LOC128462377: variants seen among roughly 807,000 people sequenced by gnomAD.
At chr16:89,388,412 G>T in the LOC128462377 span, among the ~76,000 whole-genome samples, 1 of 148,734 alleles carries the variant, frequency 6.7e-6, no homozygotes, top group Admixed American at 6.9e-5. Flanking sequence ...TTATAAGCGT[G>T]AGCCACCACG....
chr16:89,357,814 T>C, the LOC128462377 span, among the ~76,000 whole-genome samples: 1 of 152,216 alleles, frequency 6.6e-6, no homozygotes, highest in African/African-American at 2.4e-5. Context: ...AGCCAATCCA[T>C]GGCCACAGGA....
chr16:89,415,466 G>A, the LOC128462377 span, among the ~76,000 whole-genome samples: 16 of 149,268 alleles, frequency 1.1e-4, no homozygotes, highest in African/African-American at 3.0e-4. Context: ...GGGTTTCACC[G>A]TGTTAGCCAG....
chr16:89,323,671 C>T, the LOC128462377 span: 1 of 309,750 alleles, frequency 3.2e-6, no homozygotes, highest in Non-Finnish European at 6.3e-6. Flanking sequence ...CACCGCCTGA[C>T]AGTCCACGTC....
the LOC128462377 span, among the ~76,000 whole-genome samples, chr16:89,378,858 A>G: frequency 7.1e-6 from 1 of 141,334 alleles, no homozygotes; most frequent in Non-Finnish European, 1.5e-5. Flanking sequence ...TAAGGGGTTG[A>G]TGGGTGGGGC....
At chr16:89,319,424 C>A in the LOC128462377 span, among the ~76,000 whole-genome samples, 1 of 152,262 alleles carries the variant, frequency 6.6e-6, no homozygotes, top group African/African-American at 2.4e-5. Flanking sequence ...GCCTGCATCA[C>A]AGCGAACACT....
the LOC128462377 span, chr16:89,324,312 G>A: frequency 2.0e-5 from 26 of 1,269,824 alleles, no homozygotes; most frequent in Admixed American, 1.4e-4. Flanking sequence ...ACAGGAGCAC[G>A]GACACAGCAG....
At chr16:89,326,381 C>A in the LOC128462377 span, among the ~76,000 whole-genome samples, 1 of 151,912 alleles carries the variant, frequency 6.6e-6, no homozygotes, top group African/African-American at 2.4e-5. Context: ...AGCCACCGCC[C>A]CCCCCACCCC....
At chr16:89,367,751 G>A in the LOC128462377 span, among the ~76,000 whole-genome samples, 10 of 152,262 alleles carry the variant, frequency 6.6e-5, no homozygotes, top group South Asian at 8.3e-4. Flanking sequence ...TACCCCCAGC[G>A]GCTGCATGTC....
chr16:89,366,520 G>A, the LOC128462377 span, among the ~76,000 whole-genome samples: 39 of 152,164 alleles, frequency 2.6e-4, no homozygotes, highest in Admixed American at 7.2e-4. Context: ...TAACAGCCAT[G>A]CTGACTGGTG....
chr16:89,405,826 G>A, the LOC128462377 span, among the ~76,000 whole-genome samples: 1 of 152,214 alleles, frequency 6.6e-6, no homozygotes, highest in East Asian at 1.9e-4. Context: ...ATGCACTGCA[G>A]TCAATCCCAA....
At chr16:89,320,845 C>A in the LOC128462377 span, among the ~76,000 whole-genome samples, 4 of 152,232 alleles carry the variant, frequency 2.6e-5, no homozygotes. Context: ...CTCCACACTG[C>A]GAGAGCCCCT....
chr16:89,402,221 C>A, the LOC128462377 span, among the ~76,000 whole-genome samples: 1 of 152,112 alleles, frequency 6.6e-6, no homozygotes. Flanking sequence ...CAAAGGCAGG[C>A]GAAATGTGGA....
chr16:89,378,242 G>A, the LOC128462377 span, among the ~76,000 whole-genome samples: 1 of 152,158 alleles, frequency 6.6e-6, no homozygotes, highest in Non-Finnish European at 1.5e-5. Flanking sequence ...ATTAAAATGT[G>A]TTGACTGTTT....
the LOC128462377 span, among the ~76,000 whole-genome samples, chr16:89,404,426 G>T: frequency 6.6e-6 from 1 of 152,214 alleles, no homozygotes; most frequent in Non-Finnish European, 1.5e-5. Context: ...TATGTCTCCT[G>T]CTAGGAAAAA....
chr16:89,347,607 TA>T, the LOC128462377 span, among the ~76,000 whole-genome samples: 1,431 of 127,320 alleles, frequency 0.011, 16 homozygotes, highest in African/African-American at 0.039. Context: ...CGAGACTCCG[TA>T]AAAAAAAAAA....
the LOC128462377 span, among the ~76,000 whole-genome samples, chr16:89,319,189 C>T: frequency 1.3e-5 from 2 of 152,242 alleles, no homozygotes; most frequent in Non-Finnish European, 2.9e-5. Context: ...CACGGACACA[C>T]TCAACAGCTC....
the LOC128462377 span, among the ~76,000 whole-genome samples, chr16:89,361,235 T>C: frequency 6.6e-6 from 1 of 152,182 alleles, no homozygotes; most frequent in South Asian, 2.1e-4. Flanking sequence ...ATCCCCCTTC[T>C]TCCTCCCGCA....
At chr16:89,367,725 C>T in the LOC128462377 span, among the ~76,000 whole-genome samples, 4 of 152,340 alleles carry the variant, frequency 2.6e-5, no homozygotes, top group African/African-American at 2.4e-5. Flanking sequence ...TACAGCTCCA[C>T]GCATCCCATC....
At chr16:89,378,646 TG>T in the LOC128462377 span, among the ~76,000 whole-genome samples, 1 of 152,188 alleles carries the variant, frequency 6.6e-6, no homozygotes, top group African/African-American at 2.4e-5. Context: ...TTGAAGACAC[TG>T]GTGTACACAA....
Sources: gnomAD v4.1 joint callset for allele counts (sites outside exome capture counted in the v4.1 genomes callset) on GRCh38, gnomAD v4.1.1 for gene constraint, MANE v1.5 for transcripts.